Variants in LRRC53 observed in about 807,000 individuals in gnomAD.
LRRC53 encodes leucine-rich repeat-containing protein 53.
In LRRC53, 25 loss-of-function variants were observed where a neutral mutation model predicts 13.6. That is an observed-to-expected ratio of 1.83 (90% CI 1.34 to 2.56). The LOEUF (loss-of-function observed/expected upper bound fraction) is 2.56, where lower values mean the gene tolerates loss of function less well. LRRC53 is among the 30% of genes most tolerant of loss of function. LRRC53 has a pLI of 0.00. For synonymous variants in LRRC53, 204 were observed against 109.8 expected (o/e 1.86, Z -5.37); for missense variants, 527 against 275.8 (o/e 1.91, Z -6.45).
chr1:74,481,492 T>C (rs1461761037), intron 2 of LRRC53, among the ~76,000 whole-genome samples: 1 of 152,240 alleles, frequency 6.6e-6, no homozygotes, highest in Non-Finnish European at 1.5e-5. Context: ...CATTGATTTC[T>C]GCTTTCTAGC....
intron 1 of LRRC53, among the ~76,000 whole-genome samples, chr1:74,493,289 TG>T (rs1285898176): frequency 2.6e-5 from 4 of 152,206 alleles, no homozygotes; most frequent in Non-Finnish European, 5.9e-5. Context: ...ATTAAAATGG[TG>T]GTTGTAAAAC....
intron 1 of LRRC53, among the ~76,000 whole-genome samples, chr1:74,496,551 G>T (rs1557606722): frequency 6.6e-6 from 1 of 151,996 alleles, no homozygotes; most frequent in East Asian, 1.9e-4. Context: ...CAGATGATAG[G>T]TTTGAGTTTT....
At chr1:74,509,328 T>C (rs1034953264) in intron 1 of LRRC53, among the ~76,000 whole-genome samples, 5 of 152,188 alleles carry the variant, frequency 3.3e-5, no homozygotes, top group Non-Finnish European at 7.4e-5. Context: ...AAATGACATT[T>C]GAGGGTTTCA....
intron 1 of LRRC53, among the ~76,000 whole-genome samples, chr1:74,493,597 G>A (rs920726267): frequency 3.3e-5 from 5 of 152,080 alleles, no homozygotes; most frequent in Non-Finnish European, 5.9e-5. Context: ...AGAATTCAGG[G>A]ATATACAATC....
At chr1:74,473,739 G>C (rs113641585) in intron 4 of LRRC53, among the ~76,000 whole-genome samples, 1 of 152,018 alleles carries the variant, frequency 6.6e-6, no homozygotes, top group Non-Finnish European at 1.5e-5. Context: ...CTGCTTGTTC[G>C]CTGTGTATTG....
At chr1:74,503,702 G>A (rs78132824) in intron 1 of LRRC53, among the ~76,000 whole-genome samples, 2 of 152,296 alleles carry the variant, frequency 1.3e-5, no homozygotes, top group African/African-American at 2.4e-5. Flanking sequence ...AGGCAAAGGA[G>A]AGAAGCTAGA....
intron 1 of LRRC53, chr1:74,489,200 A>T: frequency 6.2e-7 from 1 of 1,611,192 alleles, no homozygotes; most frequent in East Asian, 2.2e-5. Flanking sequence ...GAAGACCCGA[A>T]TTTTCTGAAG....
At chr1:74,472,342 C>G in intron 4 of LRRC53, 141 bp from the exon 5 acceptor site, 1 of 591,582 alleles carries the variant, frequency 1.7e-6, no homozygotes, top group Non-Finnish European at 3.0e-6. Flanking sequence ...AATTTGTAAC[C>G]AAACCTACAA....
the LRRC53 span, among the ~76,000 whole-genome samples, chr1:74,526,814 A>C: frequency 1.3e-5 from 2 of 151,870 alleles, no homozygotes; most frequent in African/African-American, 4.9e-5. Flanking sequence ...CTTATCTGAC[A>C]CTCTAAAGAA....
intron 1 of LRRC53, among the ~76,000 whole-genome samples, chr1:74,499,945 C>G (rs1669522759): frequency 6.6e-6 from 1 of 152,058 alleles, no homozygotes; most frequent in South Asian, 2.1e-4. Context: ...TTTATTCTGT[C>G]TAGTATTTTT....
At chr1:74,512,995 C>T (rs1300954384), upstream of LRRC53, among the ~76,000 whole-genome samples, 1 of 152,158 alleles carries the variant, frequency 6.6e-6, no homozygotes, top group Non-Finnish European at 1.5e-5. Context: ...CACTAACATT[C>T]CTCTTGATAA....
the LRRC53 span, among the ~76,000 whole-genome samples, chr1:74,536,626 G>A: frequency 1.3e-5 from 2 of 151,840 alleles, no homozygotes; most frequent in African/African-American, 4.8e-5. Flanking sequence ...TAAAGACTAT[G>A]TTATTCTCTT....
intron 2 of LRRC53, 63 bp downstream of exon 2, chr1:74,483,199 G>A (rs1230137334): frequency 1.1e-5 from 8 of 707,900 alleles, no homozygotes; most frequent in Admixed American, 8.1e-5. Context: ...TACAATGAAA[G>A]GTATGGCAAC....
At position 74,480,564 on chromosome 1, in the gene LRRC53, A is replaced by G; in HGVS notation, c.493T>C (p.Ser165Pro). The change falls in exon 3 of 5, where the codon TCC becomes CCC. Residue 165 changes from serine to proline, a missense_variant. By Grantham distance (74) the Ser-to-Pro change is moderately conservative. Coordinates refer to ENST00000294635, the MANE Select transcript of LRRC53 (RefSeq NM_001382280.1). The stretch of plus-strand genomic sequence containing the variant: ...CCAATGTAGGAAATAAAATTGTTGG[A>G]TAAATCCAGATACCTGAGACTGTGG... ...NLHSLRYLDL[S>P]NNFISYIGKD... The G allele has an allele frequency of 1.4e-6, 1 of 717,344 alleles. No individual in the cohort carries two copies. The allele number at this position is 717,344 out of a possible 1,614,324, so 44.4% of individuals were successfully genotyped here. A position where few individuals can be genotyped will look rare whatever the true frequency, so the allele number is the denominator to read the frequency against.
chr1:74,481,051 T>C, intron 2 of LRRC53, 83 bp from the exon 3 acceptor site: 1 of 614,534 alleles, frequency 1.6e-6, no homozygotes, highest in Non-Finnish European at 3.0e-6. Context: ...AGAATCAATA[T>C]CCTCTGAGCA....
rs1338508467 is a variant in LRRC53 at position 74,469,546 on chromosome 1, C to G, written c.*332G>C. On this transcript the variant is annotated 3_prime_UTR_variant, in exon 5 of 5. Coordinates refer to ENST00000294635, the MANE Select transcript of LRRC53 (RefSeq NM_001382280.1). ...CATCAAATGTAAATCTGCTCAAATA[C>G]TCTTCTTATGTAGTTTTTCATTTGT... 5.3e-6 allele frequency: 1 copy of G among 188,896 alleles called. No homozygotes were observed. The highest frequency in any genetic ancestry group is 2.4e-5 in the African/African-American group (1 of 42,532). The allele number at this position is 188,896 out of a possible 1,614,324, so 11.7% of individuals were successfully genotyped here. A position where few individuals can be genotyped will look rare whatever the true frequency, so the allele number is the denominator to read the frequency against.
At chr1:74,501,582 G>A (rs528886244) in intron 1 of LRRC53, among the ~76,000 whole-genome samples, 35 of 152,184 alleles carry the variant, frequency 2.3e-4, no homozygotes, top group African/African-American at 7.7e-4. Flanking sequence ...TGCCTCCTGG[G>A]TTCATGCCAT....
chr1:74,501,896 T>G (rs1669653225), intron 1 of LRRC53, among the ~76,000 whole-genome samples: 1 of 152,174 alleles, frequency 6.6e-6, no homozygotes, highest in Non-Finnish European at 1.5e-5. Context: ...ATATACATTT[T>G]CTTTTTCTCA....
At chr1:74,500,810 T>C (rs1669586841) in intron 1 of LRRC53, among the ~76,000 whole-genome samples, 2 of 151,962 alleles carry the variant, frequency 1.3e-5, no homozygotes, top group Admixed American at 6.5e-5. Flanking sequence ...TGTTTTACTT[T>C]CTTTGTTGCT....
Sources: allele counts gnomAD v4.1 joint callset (sites outside exome capture counted in the v4.1 genomes callset), GRCh38; gene constraint gnomAD v4.1.1; transcripts MANE v1.5; gene names NCBI Gene and HGNC (gene_info 2026-07-23, HGNC 2026-07-21).